The following BMP6 variants were observed in gnomAD, a reference collection of about 807,000 sequenced individuals.
BMP6 encodes bone morphogenetic protein 6.
Under a neutral mutation model 54.1 loss-of-function variants are expected in BMP6, and 17 were observed. The observed-to-expected ratio is 0.31, with a 90% confidence interval of 0.22 to 0.47. The LOEUF (loss-of-function observed/expected upper bound fraction) is 0.47. Ranked by LOEUF, BMP6 falls within the 20% of genes least tolerant of loss-of-function variation. The pLI, the probability that BMP6 is intolerant of heterozygous loss-of-function variation, is 1.00. For missense variants in BMP6, 720 were observed against 690.4 expected, an observed-to-expected ratio of 1.04 and a Z score of -0.48; for synonymous variants, 328 against 291.2, an observed-to-expected ratio of 1.13 and a Z score of -1.28.
rs1759698565 is a variant in BMP6, at chr6:7,880,442, GACTTTGAA to G, written c.*103_*110del. On this transcript the variant is annotated 3_prime_UTR_variant, in exon 7 of 7. Coordinates refer to ENST00000283147, the MANE Select transcript of BMP6 (RefSeq NM_001718.6). ...AGCACAGTTGGAGGTGGGACGATGA[GACTTTGAA>G]ACTATCTCATGCCAGTGCCTTATTA... is the stretch of plus-strand genomic sequence containing the variant. The G allele has an allele frequency of 6.7e-7, 1 of 1,497,400 alleles. No homozygotes were observed. Among genetic ancestry groups the G allele is most frequent in the South Asian group, 1.2e-5 (1 of 82,304 alleles). 92.8% of individuals were successfully genotyped at this position (1,497,400 alleles called of 1,614,324 possible). A position where few individuals can be genotyped will look rare whatever the true frequency, so the allele number is the denominator to read the frequency against.
At chr6:7,783,289 A>G (rs1403916928) in intron 1 of BMP6, among the ~76,000 whole-genome samples, 2 of 152,248 alleles carry the variant, frequency 1.3e-5, no homozygotes, top group African/African-American at 2.4e-5. Context: ...AAGTGGAACT[A>G]TCTTCTCCAT....
At chr6:7,828,261 C>G (rs980458925) in intron 1 of BMP6, among the ~76,000 whole-genome samples, 1 of 152,230 alleles carries the variant, frequency 6.6e-6, no homozygotes, top group Admixed American at 6.5e-5. Context: ...GAAAGATATT[C>G]TCCAAGAACA....
chr6:7,773,471 A>G (rs1757819524), intron 1 of BMP6, among the ~76,000 whole-genome samples: 2 of 152,168 alleles, frequency 1.3e-5, no homozygotes, highest in African/African-American at 4.8e-5. Flanking sequence ...AGAGTATCCT[A>G]TAGACAAGAT....
rs1236307790 is a variant in BMP6 at position 7,726,802 on chromosome 6, A to G, written c.-154A>G. The G allele has an allele frequency of 3.1e-6, 1 of 319,678 alleles. No individual in the cohort carries two copies. The highest frequency in any genetic ancestry group is 4.8e-6 in the Non-Finnish European group (1 of 210,406). 19.8% of individuals were successfully genotyped at this position (319,678 alleles called of 1,614,324 possible). A position where few individuals can be genotyped will look rare whatever the true frequency, so the allele number is the denominator to read the frequency against. On this transcript the variant is annotated 5_prime_UTR_variant, in exon 1 of 7. An upstream start codon of the reference 5' UTR is lost. Transcript: ENST00000283147. ...GCAACTGGGGGCGCCCCGGACGACCATGAGAGATAAGGACTGAGGGCCAGG... is the reference window on the plus strand; with the variant it reads ...GCAACTGGGGGCGCCCCGGACGACCGTGAGAGATAAGGACTGAGGGCCAGG...
intron 2 of BMP6, among the ~76,000 whole-genome samples, chr6:7,860,197 C>G (rs1759312957): frequency 6.6e-6 from 1 of 152,172 alleles, no homozygotes; most frequent in Non-Finnish European, 1.5e-5. Context: ...GACACTCTGC[C>G]TGGCTTTTAG....
chr6:7,845,743 A>G (rs1302650594), intron 2 of BMP6, among the ~76,000 whole-genome samples: 1 of 152,214 alleles, frequency 6.6e-6, no homozygotes, highest in East Asian at 1.9e-4. Flanking sequence ...ATTTGTGCAC[A>G]TAAGATACAC....
chr6:7,793,345 CATT>C (rs1334142542), intron 1 of BMP6, among the ~76,000 whole-genome samples: 1 of 150,844 alleles, frequency 6.6e-6, no homozygotes, highest in Non-Finnish European at 1.5e-5. Context: ...ACAGTAAAAA[CATT>C]AGTGGTGGCC....
At chr6:7,760,081 T>G (rs1424934156) in intron 1 of BMP6, among the ~76,000 whole-genome samples, 5 of 149,970 alleles carry the variant, frequency 3.3e-5, no homozygotes, top group Non-Finnish European at 1.5e-5. Flanking sequence ...TTTTTTTTTT[T>G]TTAGATACAA....
intron 1 of BMP6, among the ~76,000 whole-genome samples, chr6:7,772,136 T>G (rs2113156533): frequency 6.6e-6 from 1 of 152,164 alleles, no homozygotes; most frequent in South Asian, 2.1e-4. Flanking sequence ...GGGTCATCCT[T>G]GGGAACCCCA....
chr6:7,813,664 AAAAAAC>A lies in BMP6; in HGVS notation c.665-31475_665-31470del, dbSNP rs1296644126. On this transcript the variant is annotated intron_variant, in intron 1 of 6. Coordinates refer to ENST00000283147, the MANE Select transcript of BMP6 (RefSeq NM_001718.6). ...TCTCAAAAAAAAAAAAAAAAAAAAA[AAAAAAC>A]CCACCAAACCCAGTATAGAAAATAT... Among the ~76,000 whole-genome samples, 30 of 145,594 alleles carry A rather than the reference AAAAAAC, an allele frequency of 2.1e-4. 9 individuals carry two copies. The highest frequency in any genetic ancestry group is 6.9e-3 in the Middle Eastern group (2 of 288).
chr6:7,799,888 G>A (rs1004931127), intron 1 of BMP6, among the ~76,000 whole-genome samples: 2 of 152,134 alleles, frequency 1.3e-5, no homozygotes, highest in Admixed American at 6.5e-5. Flanking sequence ...ATTTGCTTAA[G>A]GAACCGATCA....
chr6:7,775,139 G>A (rs1382024938), intron 1 of BMP6, among the ~76,000 whole-genome samples: 2 of 152,084 alleles, frequency 1.3e-5, no homozygotes, highest in Non-Finnish European at 2.9e-5. Flanking sequence ...GTTGCGTTGG[G>A]GATTAAGTCT....
At chr6:7,846,750 T>C (rs1343790350) in intron 2 of BMP6, among the ~76,000 whole-genome samples, 1 of 152,220 alleles carries the variant, frequency 6.6e-6, no homozygotes, top group Admixed American at 6.5e-5. Context: ...GGGCCTCTTT[T>C]GAAAAGTACA....
intron 1 of BMP6, among the ~76,000 whole-genome samples, chr6:7,809,116 CCAA>C (rs1273036212): frequency 6.9e-6 from 1 of 144,414 alleles, no homozygotes; most frequent in African/African-American, 2.6e-5. Context: ...CCACCCCCCC[CCAA>C]AAAAAAAACG....
intron 1 of BMP6, among the ~76,000 whole-genome samples, chr6:7,773,366 CTGT>C (rs1313166519): frequency 2.0e-5 from 3 of 152,274 alleles, no homozygotes; most frequent in African/African-American, 4.8e-5. Context: ...CAGAGAACAC[CTGT>C]TGTTAAGTGT....
At chr6:7,867,125 G>A (rs1430048804) in intron 4 of BMP6, among the ~76,000 whole-genome samples, 2 of 152,070 alleles carry the variant, frequency 1.3e-5, no homozygotes, top group Admixed American at 1.3e-4. Context: ...ACTTGCCTCG[G>A]CCTCCCAAAG....
intron 1 of BMP6, among the ~76,000 whole-genome samples, chr6:7,772,063 C>A (rs1246741286): frequency 4.6e-5 from 6 of 131,076 alleles, no homozygotes; most frequent in African/African-American, 1.6e-4. Flanking sequence ...AAAAAAAAAA[C>A]CAAAAAAACA....
At chr6:7,781,683 A>G (rs1237258014) in intron 1 of BMP6, among the ~76,000 whole-genome samples, 1 of 151,594 alleles carries the variant, frequency 6.6e-6, no homozygotes, top group Non-Finnish European at 1.5e-5. Flanking sequence ...CATGGTTATC[A>G]ATCAAGTGAT....
At chr6:7,730,029 C>T (rs1581222966) in intron 1 of BMP6, among the ~76,000 whole-genome samples, 1 of 152,198 alleles carries the variant, frequency 6.6e-6, no homozygotes, top group East Asian at 1.9e-4. Flanking sequence ...GTCAAGATCT[C>T]AGGTGATGTC....
Sources: gnomAD v4.1 joint callset for allele counts (sites outside exome capture counted in the v4.1 genomes callset) on GRCh38, gnomAD v4.1.1 for gene constraint, MANE v1.5 for transcripts, NCBI Gene and HGNC (gene_info 2026-07-23, HGNC 2026-07-21) for gene names.